Variants in PBX1 observed in about 807,000 individuals in gnomAD.
The protein encoded by PBX1 is pre-B-cell leukemia transcription factor 1.
In PBX1, 6 loss-of-function variants were observed where a neutral mutation model predicts 53.4. That is an observed-to-expected ratio of 0.11 (90% CI 0.06 to 0.22). PBX1 has a LOEUF of 0.22. PBX1 is among the 10% of genes least tolerant of loss of function. PBX1 has a pLI of 1.00. For synonymous variants in PBX1, 204 were observed against 212.3 expected, an observed-to-expected ratio of 0.96 and a Z score of 0.34; for missense variants, 251 against 551.4, an observed-to-expected ratio of 0.46 and a Z score of 5.46.
At chr1:164,657,387 ATAT>A (rs1296723262) in intron 2 of PBX1, 1 of 152,234 alleles carries the variant, frequency 6.6e-6, no homozygotes, top group African/African-American at 2.4e-5. Context: ...ACCAAACCTA[ATAT>A]TATCATGATG....
chr1:164,779,795 C>A lies in PBX1; in HGVS notation c.266-12699C>A, dbSNP rs150780952. Among the ~76,000 whole-genome samples, 6 of 152,220 alleles carry A rather than the reference C, an allele frequency of 3.9e-5. No homozygotes were observed. In the East Asian group the frequency reaches 9.7e-4, roughly 25 times the overall value. On this transcript the variant is annotated intron_variant, in intron 2 of 8. Transcript: ENST00000420696. ...TGAAGTGCCATCAACAAGGTGCCTA[C>A]GAAGGGCCATGCTAATGTCTGGCCA...
At chr1:164,834,337 T>C (rs1056251194) in intron 8 of PBX1, among the ~76,000 whole-genome samples, 3 of 150,350 alleles carry the variant, frequency 2.0e-5, no homozygotes, top group Non-Finnish European at 3.0e-5. Flanking sequence ...ATTGGCCCTA[T>C]TTTTCTTTCT....
At chr1:164,759,199 C>A (rs934134822) in intron 2 of PBX1, among the ~76,000 whole-genome samples, 3 of 152,136 alleles carry the variant, frequency 2.0e-5, no homozygotes, top group Admixed American at 2.0e-4. Flanking sequence ...TTCTCAAGTA[C>A]CTTAACAATC....
At chr1:164,706,043 T>G (rs1227522230) in intron 2 of PBX1, among the ~76,000 whole-genome samples, 1 of 152,218 alleles carries the variant, frequency 6.6e-6, no homozygotes, top group African/African-American at 2.4e-5. Flanking sequence ...GTTTTGGAAT[T>G]CTATGGTTGA....
chr1:164,709,604 A>T (rs1663637825), intron 2 of PBX1, among the ~76,000 whole-genome samples: 1 of 151,926 alleles, frequency 6.6e-6, no homozygotes, highest in Non-Finnish European at 1.5e-5. Context: ...ACCCACTGCA[A>T]TTTCTTGCAT....
rs192322594 is a variant in PBX1, at chr1:164,849,857, G to A, written c.*3181G>A. 6 of 230,382 alleles carry A rather than the reference G, an allele frequency of 2.6e-5. No individual in the cohort carries two copies. The highest frequency in any genetic ancestry group is 6.7e-5 in the African/African-American group (3 of 45,048). 14.3% of individuals were successfully genotyped at this position (230,382 alleles called of 1,614,324 possible). ...TTTCTGCCCAGAAAAACCTGACTTCGATACCAAAAAAGATGAAACTACAGA... is the reference window on the plus strand; with the variant it reads ...TTTCTGCCCAGAAAAACCTGACTTCAATACCAAAAAAGATGAAACTACAGA... On this transcript the variant is annotated 3_prime_UTR_variant, in exon 9 of 9. Transcript: ENST00000420696.
intron 2 of PBX1, among the ~76,000 whole-genome samples, chr1:164,860,062 C>T (rs1174864033): frequency 6.6e-6 from 1 of 152,140 alleles, no homozygotes; most frequent in Non-Finnish European, 1.5e-5. Flanking sequence ...AAGAAAGCTG[C>T]TCAAGAAATG....
chr1:164,590,264 A>T (rs1655277221), intron 2 of PBX1: 1 of 443,758 alleles, frequency 2.3e-6, no homozygotes, highest in South Asian at 1.6e-5. Context: ...TACCTTGGCC[A>T]GCGCAACTGG....
chr1:164,751,424 G>T (rs1231373699), intron 2 of PBX1, among the ~76,000 whole-genome samples: 1 of 152,008 alleles, frequency 6.6e-6, no homozygotes, highest in African/African-American at 2.4e-5. Context: ...CAGACTGAAT[G>T]CAGAAACAAG....
chr1:164,573,584 C>T (rs1370570451), intron 2 of PBX1, among the ~76,000 whole-genome samples: 7 of 150,774 alleles, frequency 4.6e-5, no homozygotes, highest in African/African-American at 9.8e-5. Flanking sequence ...CTCTGCCTCC[C>T]GGGTTCAAGG....
downstream of PBX1, chr1:164,854,229 A>G (rs1447224832): frequency 1.3e-5 from 2 of 152,138 alleles, no homozygotes. Flanking sequence ...AAAAACAGAC[A>G]TGACTGGTCC....
intron 2 of PBX1, among the ~76,000 whole-genome samples, chr1:164,575,207 T>C (rs1654137424): frequency 6.6e-6 from 1 of 152,306 alleles, no homozygotes; most frequent in African/African-American, 2.4e-5. Context: ...AGCCCAGGAA[T>C]TTAGGAAAGG....
intron 2 of PBX1, among the ~76,000 whole-genome samples, chr1:164,737,253 G>T (rs1201790641): frequency 6.6e-6 from 1 of 152,138 alleles, no homozygotes; most frequent in Admixed American, 6.5e-5. Flanking sequence ...CACACATCAC[G>T]TTAGTAGTGT....
chr1:164,782,886 T>A (rs1418255441), intron 2 of PBX1, among the ~76,000 whole-genome samples: 1 of 152,202 alleles, frequency 6.6e-6, no homozygotes, highest in Admixed American at 6.5e-5. Flanking sequence ...GAATCACAGA[T>A]CCCACCCAGA....
intron 2 of PBX1, among the ~76,000 whole-genome samples, chr1:164,782,703 T>C (rs1286046796): frequency 2.0e-5 from 3 of 152,214 alleles, no homozygotes; most frequent in Non-Finnish European, 1.5e-5. Context: ...TTTGTAGATA[T>C]GGGCCGGAAA....
At chr1:164,656,777 G>A (rs149944619) in intron 2 of PBX1, among the ~76,000 whole-genome samples, 1 of 152,192 alleles carries the variant, frequency 6.6e-6, no homozygotes, top group Non-Finnish European at 1.5e-5. Context: ...TATGAGACTT[G>A]TAGAGATCAG....
At position 164,588,473 on chromosome 1, in the gene PBX1, C is replaced by CTTTTTT. The variant is rs371768861; in HGVS notation, c.265+25184_265+25189dup. The stretch of plus-strand genomic sequence containing the variant: ...AAAGAGAAATACACTCCGGACTAAG[C>CTTTTTT]TTTTTTTTTTTTTTTTTTTTTTTTT... On this transcript the variant is annotated intron_variant, in intron 2 of 8. Coordinates refer to ENST00000420696, the MANE Select transcript of PBX1 (RefSeq NM_002585.4). 1.5e-4 allele frequency among the ~76,000 whole-genome samples: 11 copies of CTTTTTT among 73,080 alleles called. 1 individual carries two copies. Among genetic ancestry groups the CTTTTTT allele is most frequent in the South Asian group, 6.9e-4 (1 of 1,446 alleles). 47.9% of individuals were successfully genotyped at this position (73,080 alleles called of 152,430 possible).
intron 8 of PBX1, among the ~76,000 whole-genome samples, chr1:164,836,616 T>C (rs1440358423): frequency 6.6e-6 from 1 of 152,132 alleles, no homozygotes; most frequent in Admixed American, 6.5e-5. Flanking sequence ...TAGCACTCCG[T>C]TCTCGTACAT....
intron 2 of PBX1, among the ~76,000 whole-genome samples, chr1:164,744,529 C>T (rs1274956486): frequency 6.6e-6 from 1 of 152,176 alleles, no homozygotes; most frequent in East Asian, 1.9e-4. Context: ...TCATTAGATC[C>T]TCTCAGAACT....
Sources: gnomAD v4.1 joint callset for allele counts (sites outside exome capture counted in the v4.1 genomes callset) on GRCh38, gnomAD v4.1.1 for gene constraint, MANE v1.5 for transcripts, NCBI Gene and HGNC (gene_info 2026-07-23, HGNC 2026-07-21) for gene names.